Variants in TNIK observed in about 807,000 individuals in gnomAD.
TNIK encodes TRAF2 and NCK interacting kinase.
A neutral mutation model predicts 191.3 loss-of-function variants in TNIK; 49 were observed. The observed-to-expected ratio is 0.26, with a 90% confidence interval of 0.20 to 0.32. The LOEUF is 0.32. TNIK is among the 10% of genes least tolerant of loss of function. The pLI is 1.00. For synonymous variants in TNIK, 594 were observed against 600.9 expected (o/e 0.99, Z 0.17); for missense variants, 1,155 against 1,702.3 (o/e 0.68, Z 5.66).
chr3:171,269,395 G>A (rs987668560), intron 2 of TNIK, among the ~76,000 whole-genome samples: 7 of 152,332 alleles, frequency 4.6e-5, no homozygotes, highest in Admixed American at 2.6e-4. Flanking sequence ...CAAAGACGCT[G>A]TTAATCAAGT....
chr3:171,423,515 G>C (rs929513095), intron 1 of TNIK, among the ~76,000 whole-genome samples: 1 of 152,038 alleles, frequency 6.6e-6, no homozygotes, highest in Non-Finnish European at 1.5e-5. Flanking sequence ...AAAAGAGCCC[G>C]CATTGCCAAG....
At chr3:171,128,675 A>G in intron 16 of TNIK, 39 bp downstream of exon 16, 1 of 1,577,648 alleles carries the variant, frequency 6.3e-7, no homozygotes, top group Non-Finnish European at 8.6e-7. Context: ...TTCTTGTGCA[A>G]CTTATTGGAA....
intron 4 of TNIK, among the ~76,000 whole-genome samples, chr3:171,195,901 C>T (rs1738623537): frequency 6.6e-6 from 1 of 152,132 alleles, no homozygotes; most frequent in South Asian, 2.1e-4. Flanking sequence ...CTATCAAAGA[C>T]CACAAAATCA....
rs540452061 is a variant in TNIK at position 171,367,933 on chromosome 3, G to T, written c.123+1687C>A. 9.2e-5 allele frequency among the ~76,000 whole-genome samples: 14 copies of T among 152,152 alleles called. No homozygotes were observed. In the South Asian group the frequency reaches 1.2e-3, roughly 14 times the overall value. The stretch of plus-strand genomic sequence containing the variant: ...GCAGAATCTCCCTTAAACTTGGAAG[G>T]TGCCATAGTACTGTATCAACCACCA... On this transcript the variant is annotated intron_variant, in intron 2 of 32. Transcript: ENST00000436636.
chr3:171,373,729 A>C (rs12487226), intron 1 of TNIK, among the ~76,000 whole-genome samples: 2 of 151,922 alleles, frequency 1.3e-5, no homozygotes, highest in Non-Finnish European at 2.9e-5. Flanking sequence ...CATGTCCCTC[A>C]TGTCCCTAAC....
At chr3:171,430,679 T>A (rs1725267558) in intron 1 of TNIK, among the ~76,000 whole-genome samples, 1 of 151,776 alleles carries the variant, frequency 6.6e-6, no homozygotes, top group Admixed American at 6.6e-5. Context: ...AAATTAATAT[T>A]GTTTTAATCA....
chr3:171,202,623 C>G (rs1566605), intron 4 of TNIK, among the ~76,000 whole-genome samples: 5,486 of 152,208 alleles, frequency 0.036, 122 homozygotes, highest in South Asian at 0.079. Context: ...TTCTTTGGGA[C>G]AAAAGAAGAG....
intron 2 of TNIK, among the ~76,000 whole-genome samples, chr3:171,289,809 G>A (rs1366410698): frequency 6.6e-6 from 1 of 151,546 alleles, no homozygotes; most frequent in Non-Finnish European, 1.5e-5. Context: ...GGCTGAGGCA[G>A]GAGAATCACT....
chr3:171,410,954 A>G (rs1425078791), intron 1 of TNIK, among the ~76,000 whole-genome samples: 1 of 151,714 alleles, frequency 6.6e-6, no homozygotes, highest in Non-Finnish European at 1.5e-5. Flanking sequence ...AATCCACTAC[A>G]CTCAGATTGC....
intron 2 of TNIK, among the ~76,000 whole-genome samples, chr3:171,325,004 G>A (rs1025547326): frequency 2.0e-5 from 3 of 152,106 alleles, no homozygotes; most frequent in Admixed American, 2.0e-4. Context: ...GGGAGGCTGA[G>A]GCAGGAGAAT....
rs146780921 is a variant in TNIK, at chr3:171,066,435, G to T, written c.3860-109C>A. 987 of 1,553,652 alleles carry T rather than the reference G, an allele frequency of 6.4e-4. 4 individuals carry two copies. In the Middle Eastern group the frequency reaches 9.9e-3, roughly 16 times the overall value. ...AATGACAAACGACTTGAGATAAATG[G>T]ACAAAGCAAGTCTTACAAGAGTTAT... On this transcript the variant is annotated intron_variant, in intron 31 of 32. Transcript: ENST00000436636.
At chr3:171,333,809 G>A (rs1234009266) in intron 2 of TNIK, among the ~76,000 whole-genome samples, 5 of 152,094 alleles carry the variant, frequency 3.3e-5, no homozygotes, top group South Asian at 4.1e-4. Flanking sequence ...TTTCCCCATC[G>A]TGCTCAGCAC....
At chr3:171,331,155 C>T (rs1254921390) in intron 2 of TNIK, among the ~76,000 whole-genome samples, 1 of 152,204 alleles carries the variant, frequency 6.6e-6, no homozygotes, top group African/African-American at 2.4e-5. Flanking sequence ...TGAGTTCTCA[C>T]ACCCTCTGGT....
chr3:171,165,722 C>A (rs765966011), intron 10 of TNIK, among the ~76,000 whole-genome samples: 33 of 152,288 alleles, frequency 2.2e-4, no homozygotes, highest in African/African-American at 7.9e-4. Context: ...TCACCATGTG[C>A]CTCCCCTCCC....
chr3:171,232,211 G>A (rs1308818108), intron 2 of TNIK, among the ~76,000 whole-genome samples: 2 of 151,928 alleles, frequency 1.3e-5, no homozygotes, highest in Non-Finnish European at 2.9e-5. Flanking sequence ...TCAAGCTGGT[G>A]CAGTGTTGCA....
chr3:171,397,849 T>C (rs776224249), intron 1 of TNIK, among the ~76,000 whole-genome samples: 2 of 152,218 alleles, frequency 1.3e-5, no homozygotes, highest in Non-Finnish European at 2.9e-5. Flanking sequence ...TTTTCTTTTA[T>C]GCTTATTTCT....
chr3:171,283,298 A>T (rs1207617457), intron 2 of TNIK, among the ~76,000 whole-genome samples: 3 of 152,078 alleles, frequency 2.0e-5, no homozygotes, highest in Non-Finnish European at 4.4e-5. Flanking sequence ...TTTCCACAAA[A>T]ATAGAACTAC....
chr3:171,175,167 G>A, intron 9 of TNIK, 85 bp downstream of exon 9: 1 of 1,267,778 alleles, frequency 7.9e-7, no homozygotes, highest in Non-Finnish European at 1.1e-6. Context: ...TCTATCAGCA[G>A]GACCTAGGGA....
chr3:171,069,082 A>G, intron 29 of TNIK, 85 bp from the exon 30 acceptor site: 1 of 1,451,022 alleles, frequency 6.9e-7, no homozygotes, highest in Non-Finnish European at 9.2e-7. Context: ...GAGGAAGTTA[A>G]CTTCTAACTT....
Sources: allele counts gnomAD v4.1 joint callset (sites outside exome capture counted in the v4.1 genomes callset), GRCh38; gene constraint gnomAD v4.1.1; transcripts MANE v1.5; gene names NCBI Gene and HGNC (gene_info 2026-07-23, HGNC 2026-07-21).